ZNRF2: variants seen among roughly 807,000 people sequenced by gnomAD.
ZNRF2 encodes E3 ubiquitin-protein ligase ZNRF2.
Under a neutral mutation model 20.4 loss-of-function variants are expected in ZNRF2, and 16 were observed. The ratio of observed to expected loss-of-function variants is 0.79; its 90% CI spans 0.53 to 1.19. The LOEUF is 1.19. ZNRF2 is among the 50% of genes most tolerant of loss of function. ZNRF2 has a pLI of 0.00. For missense variants in ZNRF2, 363 were observed against 332.4 expected (o/e 1.09, Z -0.72); for synonymous variants, 178 against 144.9 (o/e 1.23, Z -1.64).
intron 1 of ZNRF2, among the ~76,000 whole-genome samples, chr7:30,315,602 T>C (rs1799356738): frequency 6.6e-6 from 1 of 151,880 alleles, no homozygotes; most frequent in Admixed American, 6.6e-5. Flanking sequence ...ACAGTGAACA[T>C]GGAGAAGTGT....
At chr7:30,344,444 G>A (rs1202243255) in intron 2 of ZNRF2, among the ~76,000 whole-genome samples, 1 of 151,556 alleles carries the variant, frequency 6.6e-6, no homozygotes, top group African/African-American at 2.4e-5. Flanking sequence ...TCCTTCCCGT[G>A]TTCTAATTTT....
intron 3 of ZNRF2, among the ~76,000 whole-genome samples, chr7:30,362,107 A>G (rs1800136213): frequency 6.6e-6 from 1 of 152,194 alleles, no homozygotes. Context: ...GAATATTGGT[A>G]AAGTGGTAGT....
At chr7:30,290,676 A>C (rs1473352367) in intron 1 of ZNRF2, among the ~76,000 whole-genome samples, 2 of 152,228 alleles carry the variant, frequency 1.3e-5, no homozygotes, top group Non-Finnish European at 2.9e-5. Context: ...AGGGGAGGGA[A>C]TTATACAAAG....
At chr7:30,334,458 G>T (rs1799686960) in intron 2 of ZNRF2, among the ~76,000 whole-genome samples, 1 of 152,084 alleles carries the variant, frequency 6.6e-6, no homozygotes, top group Non-Finnish European at 1.5e-5. Flanking sequence ...CTTTGCTTAG[G>T]TTTGCTTTGG....
At chr7:30,344,364 C>A (rs913395447) in intron 2 of ZNRF2, among the ~76,000 whole-genome samples, 4 of 151,168 alleles carry the variant, frequency 2.6e-5, no homozygotes, top group Non-Finnish European at 5.9e-5. Flanking sequence ...TTATAGAATA[C>A]CTCTTATTTT....
intron 2 of ZNRF2, among the ~76,000 whole-genome samples, chr7:30,351,937 G>T (rs1421672833): frequency 2.0e-5 from 3 of 151,956 alleles, no homozygotes; most frequent in African/African-American, 7.2e-5. Context: ...GGTCTTCATG[G>T]AGTTATTTGA....
At chr7:30,316,319 A>T (rs1374105555) in intron 1 of ZNRF2, among the ~76,000 whole-genome samples, 2 of 148,020 alleles carry the variant, frequency 1.4e-5, no homozygotes, top group East Asian at 3.9e-4. Flanking sequence ...AAAAAAAAAA[A>T]AGAATTGTCA....
At chr7:30,314,517 G>C (rs1444011255) in intron 1 of ZNRF2, among the ~76,000 whole-genome samples, 1 of 151,878 alleles carries the variant, frequency 6.6e-6, no homozygotes, top group African/African-American at 2.4e-5. Context: ...AGGTGGAGGA[G>C]ACAAAAAAGA....
At chr7:30,342,830 T>C (rs1799817505) in intron 2 of ZNRF2, among the ~76,000 whole-genome samples, 1 of 152,130 alleles carries the variant, frequency 6.6e-6, no homozygotes, top group African/African-American at 2.4e-5. Flanking sequence ...ACTTTGTATT[T>C]TGGGGGTGTC....
chr7:30,315,136 A>G (rs1422170430), intron 1 of ZNRF2, among the ~76,000 whole-genome samples: 1 of 152,032 alleles, frequency 6.6e-6, no homozygotes, highest in Non-Finnish European at 1.5e-5. Flanking sequence ...GTATTTGTTA[A>G]GATATCCAAG....
intron 2 of ZNRF2, among the ~76,000 whole-genome samples, chr7:30,337,213 T>C (rs1451124379): frequency 7.9e-5 from 12 of 152,214 alleles, no homozygotes; most frequent in Non-Finnish European, 4.4e-5. Context: ...TTTTATGTTA[T>C]AAAGTATTCA....
At chr7:30,300,533 C>CT (rs1269454131) in intron 1 of ZNRF2, among the ~76,000 whole-genome samples, 1 of 152,218 alleles carries the variant, frequency 6.6e-6, no homozygotes, top group Non-Finnish European at 1.5e-5. Flanking sequence ...TAATTAGAAT[C>CT]TAACACTTCC....
intron 2 of ZNRF2, among the ~76,000 whole-genome samples, chr7:30,338,432 C>T (rs1339894068): frequency 7.0e-6 from 1 of 143,098 alleles, no homozygotes; most frequent in Non-Finnish European, 1.5e-5. Context: ...AGCCCCCCCC[C>T]ACCCCCCAAC....
chr7:30,315,754 C>T (rs1326603127), intron 1 of ZNRF2, among the ~76,000 whole-genome samples: 3 of 123,408 alleles, frequency 2.4e-5, no homozygotes, highest in Non-Finnish European at 5.0e-5. Flanking sequence ...GGTATAAAGA[C>T]GCCTACAGGG....
chr7:30,362,265 G>A, intron 3 of ZNRF2, 112 bp from the exon 4 acceptor site: 1 of 601,570 alleles, frequency 1.7e-6, no homozygotes, highest in Non-Finnish European at 2.7e-6. Flanking sequence ...AATTTAAAAT[G>A]CTCATTTTTT....
chr7:30,320,975 T>C (rs1009912497), intron 1 of ZNRF2, among the ~76,000 whole-genome samples: 3 of 152,154 alleles, frequency 2.0e-5, no homozygotes, highest in Non-Finnish European at 4.4e-5. Context: ...GTGAGACCTT[T>C]TGATTTAAGA....
intron 1 of ZNRF2, among the ~76,000 whole-genome samples, chr7:30,286,219 C>G (rs191168943): frequency 6.6e-6 from 1 of 152,248 alleles, no homozygotes; most frequent in Admixed American, 6.5e-5. Context: ...TCTGGGGACT[C>G]GAGTGGGGAA....
intron 2 of ZNRF2, among the ~76,000 whole-genome samples, chr7:30,339,110 G>T (rs1799758741): frequency 6.6e-6 from 1 of 152,030 alleles, no homozygotes; most frequent in South Asian, 2.1e-4. Context: ...CCCTCTTTTT[G>T]ATGGGGTTGC....
At position 30,284,697 on chromosome 7, in the gene ZNRF2, G is replaced by C. The variant is rs994606567; in HGVS notation, c.-661G>C. The C allele has an allele frequency of 1.2e-5, 2 of 160,472 alleles. No individual in the cohort carries two copies. Among genetic ancestry groups the C allele is most frequent in the African/African-American group, 4.8e-5 (2 of 41,484 alleles). 9.9% of individuals were successfully genotyped at this position (160,472 alleles called of 1,614,324 possible). The stretch of plus-strand genomic sequence containing the variant: ...CCATCTGCGCACCCCCCGCCTTCGC[G>C]GCCCAGATCCTCCCGCCAGCCCGGC... On this transcript the variant is annotated 5_prime_UTR_variant, in exon 1 of 5. Coordinates refer to ENST00000323037, the MANE Select transcript of ZNRF2 (RefSeq NM_147128.4).
Sources: allele counts gnomAD v4.1 joint callset (sites outside exome capture counted in the v4.1 genomes callset), GRCh38; gene constraint gnomAD v4.1.1; transcripts MANE v1.5; gene names NCBI Gene and HGNC (gene_info 2026-07-23, HGNC 2026-07-21).